The following PCDH15 variants were observed in gnomAD, a reference collection of about 807,000 sequenced individuals.
PCDH15 encodes the protein protocadherin-15.
A neutral mutation model predicts 178.5 loss-of-function variants in PCDH15; 129 were observed. The ratio of observed to expected loss-of-function variants is 0.72; its 90% CI spans 0.63 to 0.84. PCDH15 has a LOEUF of 0.84. Ranked by LOEUF, PCDH15 falls within the 40% of genes least tolerant of loss-of-function variation. PCDH15 has a pLI of 0.00. For synonymous variants in PCDH15, 800 were observed against 732.0 expected, an observed-to-expected ratio of 1.09 and a Z score of -1.50; for missense variants, 2,230 against 2,099.9, an observed-to-expected ratio of 1.06 and a Z score of -1.21.
At chr10:55,276,099 CTT>C (rs1842588928) in intron 1 of PCDH15, among the ~76,000 whole-genome samples, 2 of 150,412 alleles carry the variant, frequency 1.3e-5, no homozygotes, top group Non-Finnish European at 1.5e-5. Context: ...CATTTAGTAA[CTT>C]AAAAAAATTC....
intron 28 of PCDH15, among the ~76,000 whole-genome samples, chr10:53,854,116 G>T (rs140342773): frequency 6.6e-6 from 1 of 152,042 alleles, no homozygotes; most frequent in East Asian, 1.9e-4. Context: ...CTGTAACATG[G>T]ATGAATCATG....
At position 54,467,152 on chromosome 10, in the gene PCDH15, T is replaced by A. The variant is rs547191398; in HGVS notation, c.157+60660A>T. On this transcript the variant is annotated intron_variant, in intron 3 of 37. Coordinates refer to ENST00000644397, the MANE Select transcript of PCDH15 (RefSeq NM_001384140.1). ...CAGTTCGAATGCCTTTTATTTTTTT[T>A]AATCCATCTGATGATGCTGGCTAGG... 5.3e-5 allele frequency among the ~76,000 whole-genome samples: 8 copies of A among 152,054 alleles called. No individual in the cohort carries two copies. The South Asian group carries it at 1.5e-3, about 28-fold the overall frequency.
intron 2 of PCDH15, among the ~76,000 whole-genome samples, chr10:55,050,789 T>C (rs1024987780): frequency 2.0e-5 from 3 of 152,106 alleles, no homozygotes; most frequent in Admixed American, 6.5e-5. Flanking sequence ...CCAAAGTTAA[T>C]TCAAGTTTGC....
chr10:55,292,560 T>G (rs1588885816), intron 1 of PCDH15, among the ~76,000 whole-genome samples: 1 of 152,048 alleles, frequency 6.6e-6, no homozygotes, highest in East Asian at 1.9e-4. Flanking sequence ...TTTTGTATTT[T>G]TAGTAGAGAT....
At chr10:54,765,249 T>A (rs1222763427) in intron 1 of PCDH15, among the ~76,000 whole-genome samples, 1 of 152,152 alleles carries the variant, frequency 6.6e-6, no homozygotes, top group East Asian at 1.9e-4. Flanking sequence ...CTAACTTTAC[T>A]CTGTTGAGCT....
intron 2 of PCDH15, among the ~76,000 whole-genome samples, chr10:55,583,196 G>A (rs138182897): frequency 4.6e-5 from 7 of 152,086 alleles, no homozygotes; most frequent in South Asian, 2.1e-4. Flanking sequence ...CATTAATCAC[G>A]GTGCAAACTA....
At chr10:55,249,065 C>T (rs1187490587) in intron 1 of PCDH15, among the ~76,000 whole-genome samples, 2 of 152,076 alleles carry the variant, frequency 1.3e-5, no homozygotes, top group African/African-American at 4.8e-5. Context: ...AAAAGACAGA[C>T]TCATTTGGAA....
At chr10:54,234,145 T>G (rs964314967) in intron 9 of PCDH15, among the ~76,000 whole-genome samples, 2 of 150,948 alleles carry the variant, frequency 1.3e-5, no homozygotes, top group Non-Finnish European at 3.0e-5. Flanking sequence ...TGTGTGTGTG[T>G]GTGTGTGTGT....
chr10:55,091,835 C>A (rs913788145), intron 2 of PCDH15, among the ~76,000 whole-genome samples: 5 of 151,698 alleles, frequency 3.3e-5, no homozygotes, highest in Non-Finnish European at 7.4e-5. Flanking sequence ...TGATACAAAT[C>A]CTTACCAAAA....
intron 20 of PCDH15, among the ~76,000 whole-genome samples, chr10:53,998,535 G>A (rs544776816): frequency 6.6e-6 from 1 of 152,090 alleles, no homozygotes; most frequent in South Asian, 2.1e-4. Context: ...GAAGATGTAA[G>A]GAATCTTTTT....
chr10:54,630,391 C>T (rs575477028), intron 2 of PCDH15, among the ~76,000 whole-genome samples: 9 of 152,216 alleles, frequency 5.9e-5, no homozygotes, highest in South Asian at 4.1e-4. Context: ...TCAACAGACT[C>T]GACAAAAATT....
At position 53,861,323 on chromosome 10, in the gene PCDH15, T is replaced by C. The variant is rs117463802; in HGVS notation, c.3718-4060A>G. Among the ~76,000 whole-genome samples the C allele has an allele frequency of 1.9e-4, 29 of 152,324 alleles. No individual in the cohort carries two copies. The East Asian group carries it at 5.2e-3, about 27-fold the overall frequency. Reference sequence around the variant, plus strand: ...ATAACTAATGAAAGCTTTATAAATATGTTTCCATCATCATTGAGATTGATA... The same window carrying C: ...ATAACTAATGAAAGCTTTATAAATACGTTTCCATCATCATTGAGATTGATA... On this transcript the variant is annotated intron_variant, in intron 27 of 37. Transcript: ENST00000644397.
intron 2 of PCDH15, among the ~76,000 whole-genome samples, chr10:55,499,589 A>T (rs1202738710): frequency 6.6e-6 from 1 of 151,670 alleles, no homozygotes; most frequent in East Asian, 1.9e-4. Context: ...TTTAATTGTC[A>T]AGATCAAACC....
rs1053363909 is a variant in PCDH15, at chr10:53,804,848, T to C, written c.*1731A>G. ...AAACCACCTTAGGATCTTTTGAAAA[T>C]GTGGATGCTTGTTTGGCAGGCCAGG... On this transcript the variant is annotated 3_prime_UTR_variant, in exon 38 of 38. Transcript: ENST00000644397. 3.1e-4 allele frequency: 47 copies of C among 151,958 alleles called. No individual in the cohort carries two copies. Among genetic ancestry groups the C allele is most frequent in the African/African-American group, 1.1e-3 (46 of 41,408 alleles). 9.4% of individuals were successfully genotyped at this position (151,958 alleles called of 1,614,324 possible).
At chr10:55,314,631 T>A (rs911425078) in intron 1 of PCDH15, among the ~76,000 whole-genome samples, 14 of 151,936 alleles carry the variant, frequency 9.2e-5, no homozygotes, top group African/African-American at 3.4e-4. Context: ...CACTACAGTA[T>A]AGTCACTACC....
intron 3 of PCDH15, among the ~76,000 whole-genome samples, chr10:54,460,831 T>C (rs2077121187): frequency 1.3e-5 from 2 of 152,042 alleles, no homozygotes; most frequent in Non-Finnish European, 2.9e-5. Flanking sequence ...GAAGTGCACT[T>C]GAGGAACTCC....
At chr10:54,901,269 G>T (rs192302195) in intron 2 of PCDH15, among the ~76,000 whole-genome samples, 2 of 152,070 alleles carry the variant, frequency 1.3e-5, no homozygotes, top group African/African-American at 2.4e-5. Flanking sequence ...GATAGAGTGA[G>T]ACCCTGTCTC....
intron 25 of PCDH15, among the ~76,000 whole-genome samples, chr10:53,919,407 T>C (rs1014702677): frequency 2.6e-5 from 4 of 152,242 alleles, no homozygotes. Context: ...CAAGCTCTTT[T>C]TATGTGCAAA....
intron 8 of PCDH15, among the ~76,000 whole-genome samples, chr10:54,312,057 T>C (rs1427316628): frequency 6.6e-6 from 1 of 152,106 alleles, no homozygotes; most frequent in Non-Finnish European, 1.5e-5. Context: ...TGAAGAATTC[T>C]TTCAAGAAAG....
Sources: gnomAD v4.1 joint callset for allele counts (sites outside exome capture counted in the v4.1 genomes callset) on GRCh38, gnomAD v4.1.1 for gene constraint, MANE v1.5 for transcripts, NCBI Gene and HGNC (gene_info 2026-07-23, HGNC 2026-07-21) for gene names.